CPB2: variants seen among roughly 807,000 people sequenced by gnomAD.
CPB2 encodes carboxypeptidase B2, also known as carboxypeptidase B-like protein.
Under a neutral mutation model 57.0 loss-of-function variants are expected in CPB2, and 54 were observed. The observed-to-expected ratio is 0.95, with a 90% CI of 0.76 to 1.19. The LOEUF is 1.19. Ranked by LOEUF, CPB2 falls within the 50% of genes most tolerant of loss-of-function variation. The pLI is 0.00. For synonymous variants in CPB2, 189 were observed against 178.1 expected, an observed-to-expected ratio of 1.06 and a Z score of -0.49; for missense variants, 426 against 512.0, an observed-to-expected ratio of 0.83 and a Z score of 1.62.
At chr13:46,053,904 T>G in intron 10 of CPB2, 106 bp from the exon 11 acceptor site, 1 of 1,124,134 alleles carries the variant, frequency 8.9e-7, no homozygotes. Context: ...CCTTTAGATT[T>G]TTTTCAGTTT....
intron 7 of CPB2, among the ~76,000 whole-genome samples, chr13:46,066,258 A>G (rs1003265644): frequency 2.0e-4 from 31 of 152,256 alleles, no homozygotes; most frequent in African/African-American, 7.0e-4. Flanking sequence ...TCTTTAAATT[A>G]GAAAGCAGAG....
rs1087 is a variant in CPB2 at position 46,053,304 on chromosome 13, A to T, written c.*310T>A. The T allele has an allele frequency of 0.33, 77,061 of 234,868 alleles. 13,168 individuals carry two copies. The highest frequency in any genetic ancestry group is 0.37 in the Middle Eastern group (260 of 700). 14.5% of individuals were successfully genotyped at this position (234,868 alleles called of 1,614,324 possible). A position where few individuals can be genotyped will look rare whatever the true frequency, so the allele number is the denominator to read the frequency against. On this transcript the variant is annotated 3_prime_UTR_variant, in exon 11 of 11. Transcript: ENST00000181383. ...ATCCAATGATCAGCGTGAGATGATC[A>T]TTGATTAAACTTGCTTGAGATGGCT...
chr13:46,095,858 GT>G (rs1479650721), intron 1 of CPB2, among the ~76,000 whole-genome samples: 1 of 147,130 alleles, frequency 6.8e-6, no homozygotes, highest in Non-Finnish European at 1.5e-5. Context: ...CTTCTGATGT[GT>G]GACTCTGGCT....
At chr13:46,097,106 C>T (rs970617598) in intron 1 of CPB2, 4 of 152,146 alleles carry the variant, frequency 2.6e-5, no homozygotes, top group Non-Finnish European at 5.9e-5. Flanking sequence ...TAATGCCTAA[C>T]CAGGAGCACC....
At chr13:46,078,703 G>C (rs1295945349) in intron 5 of CPB2, 97 bp downstream of exon 5, 2 of 806,164 alleles carry the variant, frequency 2.5e-6, no homozygotes, top group Non-Finnish European at 4.2e-6. Context: ...AATATTTTCA[G>C]AACTCAAAGG....
At chr13:46,086,273 C>A (rs971308004) in intron 2 of CPB2, among the ~76,000 whole-genome samples, 7 of 152,168 alleles carry the variant, frequency 4.6e-5, no homozygotes, top group African/African-American at 1.7e-4. Context: ...TGTGTTAGAG[C>A]TCTTTCACCT....
intron 1 of CPB2, 82 bp downstream of exon 1, chr13:46,104,854 G>T: frequency 1.3e-6 from 2 of 1,529,660 alleles, no homozygotes; most frequent in Non-Finnish European, 1.8e-6. Flanking sequence ...TTGTCCACCA[G>T]CTCAGTGCAC....
At chr13:46,086,555 G>C (rs2045208028) in intron 2 of CPB2, among the ~76,000 whole-genome samples, 1 of 152,164 alleles carries the variant, frequency 6.6e-6, no homozygotes, top group African/African-American at 2.4e-5. Context: ...GGCTTCAGAT[G>C]GGAGGAAGTG....
At chr13:46,093,061 C>T (rs1320159990) in intron 1 of CPB2, among the ~76,000 whole-genome samples, 2 of 151,914 alleles carry the variant, frequency 1.3e-5, no homozygotes, top group African/African-American at 4.8e-5. Flanking sequence ...TACAGGCGTG[C>T]ACCACCATGC....
At chr13:46,081,431 T>TG (rs2045116079) in intron 4 of CPB2, among the ~76,000 whole-genome samples, 1 of 152,078 alleles carries the variant, frequency 6.6e-6, no homozygotes, top group African/African-American at 2.4e-5. Context: ...GTCGTGCTGA[T>TG]GGATGCTGGA....
chr13:46,089,504 T>A (rs538450372), intron 1 of CPB2, among the ~76,000 whole-genome samples: 5 of 152,216 alleles, frequency 3.3e-5, no homozygotes, highest in Admixed American at 2.6e-4. Flanking sequence ...GCAGCCAAGA[T>A]CTCCAAGTTG....
intron 1 of CPB2, among the ~76,000 whole-genome samples, chr13:46,096,702 C>T (rs1027156170): frequency 1.3e-5 from 2 of 151,994 alleles, no homozygotes; most frequent in East Asian, 3.9e-4. Flanking sequence ...TTGCTTGAAC[C>T]CAGGAGGCAG....
At chr13:46,055,458 A>G (rs1433044292) in intron 10 of CPB2, among the ~76,000 whole-genome samples, 1 of 152,224 alleles carries the variant, frequency 6.6e-6, no homozygotes, top group Non-Finnish European at 1.5e-5. Flanking sequence ...GGAATCATGC[A>G]AAAGTTTTAT....
In CPB2 at chr13:46,053,199, G is replaced by A. The variant is rs2044601825; in HGVS notation, c.*415C>T. ...CGGAATGCATGGTTGTATTTCTAAAGGCACAAGCAGAAATTTATTGAAAAT... is the reference window on the plus strand; with the variant it reads ...CGGAATGCATGGTTGTATTTCTAAAAGCACAAGCAGAAATTTATTGAAAAT... On this transcript the variant is annotated 3_prime_UTR_variant, in exon 11 of 11. Coordinates refer to ENST00000181383, the MANE Select transcript of CPB2 (RefSeq NM_001872.5). 6.2e-6 allele frequency: 1 copy of A among 160,538 alleles called. No homozygotes were observed. The highest frequency in any genetic ancestry group is 2.4e-5 in the African/African-American group (1 of 41,626). 9.9% of individuals were successfully genotyped at this position (160,538 alleles called of 1,614,324 possible).
chr13:46,077,025 A>AT lies in CPB2; in HGVS notation c.486+1774dup, dbSNP rs17844218. 9.2e-3 allele frequency among the ~76,000 whole-genome samples: 1,397 copies of AT among 152,270 alleles called. 28 individuals are homozygous for AT. The highest frequency in any genetic ancestry group is 0.032 in the African/African-American group (1,336 of 41,556). On this transcript the variant is annotated intron_variant, in intron 5 of 10. Transcript: ENST00000181383. The stretch of plus-strand genomic sequence containing the variant: ...ATTCAGGACTTTGGTCTCAGCAAAG[A>AT]TTTTTTGGGTAAGATCTCAAAAGCA...
intron 1 of CPB2, among the ~76,000 whole-genome samples, chr13:46,089,276 G>A (rs1215862065): frequency 1.3e-5 from 2 of 151,918 alleles, no homozygotes; most frequent in African/African-American, 4.8e-5. Context: ...AGAAAATGTT[G>A]GTTCATCAAC....
At chr13:46,098,413 A>G (rs1463348142) in intron 1 of CPB2, 1 of 152,260 alleles carries the variant, frequency 6.6e-6, no homozygotes, top group Non-Finnish European at 1.5e-5. Context: ...GGGACCAAGC[A>G]AAACCCCAGA....
intron 3 of CPB2, among the ~76,000 whole-genome samples, chr13:46,083,810 A>G (rs541071510): frequency 6.6e-6 from 1 of 152,218 alleles, no homozygotes; most frequent in African/African-American, 2.4e-5. Context: ...AAAGCCAGAC[A>G]TTCAGAAATG....
At chr13:46,062,094 T>C (rs117936013) in intron 8 of CPB2, among the ~76,000 whole-genome samples, 26 of 151,604 alleles carry the variant, frequency 1.7e-4, no homozygotes, top group African/African-American at 5.3e-4. Context: ...TTCACTCTTA[T>C]GATACATAAC....
Sources: gnomAD v4.1 joint callset for allele counts (sites outside exome capture counted in the v4.1 genomes callset) on GRCh38, gnomAD v4.1.1 for gene constraint, MANE v1.5 for transcripts, NCBI Gene and HGNC (gene_info 2026-07-23, HGNC 2026-07-21) for gene names.